NEK10: variants seen among roughly 807,000 people sequenced by gnomAD.
NEK10 encodes NIMA related kinase 10, also known as serine/threonine-protein kinase Nek10.
Under a neutral mutation model 159.8 loss-of-function variants are expected in NEK10, and 122 were observed. The observed-to-expected ratio is 0.76, with a 90% confidence interval of 0.66 to 0.89. The LOEUF is 0.89. Ranked by LOEUF, NEK10 falls within the 40% of genes least tolerant of loss-of-function variation. NEK10 has a pLI of 0.00. For synonymous variants in NEK10, 466 were observed against 457.1 expected, an observed-to-expected ratio of 1.02 and a Z score of -0.25; for missense variants, 1,342 against 1,323.1, an observed-to-expected ratio of 1.01 and a Z score of -0.22.
intron 6 of NEK10, among the ~76,000 whole-genome samples, chr3:27,316,180 A>G (rs1409053276): frequency 6.6e-6 from 1 of 152,214 alleles, no homozygotes; most frequent in African/African-American, 2.4e-5. Flanking sequence ...GGGACTGGCC[A>G]GAATTAGCTG....
rs71091129 is a variant in NEK10, at chr3:27,365,610, G to GTTTTTTTTTTTTTTTTTTTTTTTTTTTT, written c.-38+3614_-38+3615insAAAAAAAAAAAAAAAAAAAAAAAAAAAA. 3.0e-5 allele frequency among the ~76,000 whole-genome samples: 3 copies of GTTTTTTTTTTTTTTTTTTTTTTTTTTTT among 99,106 alleles called. 1 individual carries two copies. The highest frequency in any genetic ancestry group is 5.6e-5 in the Non-Finnish European group (3 of 54,010). The allele number at this position is 99,106 out of a possible 152,430, so 65.0% of individuals were successfully genotyped here. A position where few individuals can be genotyped will look rare whatever the true frequency, so the allele number is the denominator to read the frequency against. On this transcript the variant is annotated intron_variant, in intron 1 of 35. Transcript: ENST00000691995. The stretch of plus-strand genomic sequence containing the variant: ...TTGGTTTTTTGTGTTTTTTTTTTGT[G>GTTTTTTTTTTTTTTTTTTTTTTTTTTTT]TTTTTTTTTTTTTTTTTTTTGAGAT...
At chr3:27,287,664 C>T (rs752714259) in intron 20 of NEK10, 34 bp downstream of exon 20, 3 of 1,547,258 alleles carry the variant, frequency 1.9e-6, no homozygotes, top group Middle Eastern at 1.7e-4. Flanking sequence ...AAAATGTTTC[C>T]TTATTTAGAA....
At chr3:27,127,773 A>G (rs1182519993) in intron 32 of NEK10, among the ~76,000 whole-genome samples, 1 of 152,150 alleles carries the variant, frequency 6.6e-6, no homozygotes, top group Non-Finnish European at 1.5e-5. Flanking sequence ...TCTATGTTTA[A>G]GTCAGGAAGA....
chr3:27,131,898 C>T lies in NEK10; in HGVS notation c.3063G>A (p.Leu1021=), dbSNP rs1221727950. The T allele has an allele frequency of 1.8e-5, 28 of 1,585,804 alleles. No individual in the cohort carries two copies. The highest frequency in any genetic ancestry group is 2.4e-5 in the Non-Finnish European group (28 of 1,156,674). Residue 1021 remains leucine, a synonymous_variant, in exon 32 of 36, where the codon TTG becomes TTA. Coordinates refer to ENST00000691995, the MANE Select transcript of NEK10 (RefSeq NM_001394966.1). ...ACCATACCTTTTTAATTTCAGATTT[C>T]AAATTACAAGGGTTACTCTGCTGGC... is the stretch of plus-strand genomic sequence containing the variant. ...LFSQQSNPCN[L]KSEIKKLSQG...
chr3:27,173,415 T>A (rs145698442), intron 28 of NEK10, among the ~76,000 whole-genome samples: 4 of 152,212 alleles, frequency 2.6e-5, no homozygotes, highest in Non-Finnish European at 5.9e-5. Context: ...TTTATATGCA[T>A]AAATATTTTT....
In NEK10 at chr3:27,191,886, G is replaced by T. The variant is rs533196533; in HGVS notation, c.2505+143C>A. On this transcript the variant is annotated intron_variant, in intron 26 of 35. Coordinates refer to ENST00000691995, the MANE Select transcript of NEK10 (RefSeq NM_001394966.1). ...AATTTGTATATAAGATACAGAAATG[G>T]ATATAAATATGTAACTATACTACTG... 9.8e-5 allele frequency: 62 copies of T among 631,024 alleles called. No individual in the cohort carries two copies. The East Asian group carries it at 1.5e-3, about 15-fold the overall frequency. 39.1% of individuals were successfully genotyped at this position (631,024 alleles called of 1,614,324 possible). A position where few individuals can be genotyped will look rare whatever the true frequency, so the allele number is the denominator to read the frequency against.
intron 35 of NEK10, 21 bp downstream of exon 35, chr3:27,115,919 A>G (rs1940347341): frequency 6.3e-7 from 1 of 1,582,200 alleles, no homozygotes; most frequent in Admixed American, 1.7e-5. Context: ...TTCACAATTG[A>G]AGGCAAACTC....
At chr3:27,354,826 G>A (rs1462654597) in intron 1 of NEK10, among the ~76,000 whole-genome samples, 1 of 151,984 alleles carries the variant, frequency 6.6e-6, no homozygotes, top group Non-Finnish European at 1.5e-5. Context: ...AGTCCTCAGA[G>A]TTGTCTAAAC....
In NEK10 at chr3:27,348,464, T is replaced by G. The variant is rs2047726720; in HGVS notation, c.133-2248A>C. Among the ~76,000 whole-genome samples the G allele has an allele frequency of 2.0e-5, 3 of 152,184 alleles. No individual in the cohort carries two copies. In the South Asian group the frequency reaches 6.2e-4, roughly 32 times the overall value. ...ACCAGGAACCTAATAGTAGGCACCT[T>G]GAAGCAAGTAGCACTTCATATGAAA... On this transcript the variant is annotated intron_variant, in intron 3 of 35. Transcript: ENST00000691995.
intron 22 of NEK10, among the ~76,000 whole-genome samples, chr3:27,270,231 G>A (rs963278587): frequency 3.9e-5 from 6 of 152,136 alleles, no homozygotes; most frequent in Non-Finnish European, 5.9e-5. Context: ...AATAGTAAAG[G>A]TTATTCTGCT....
rs557272633 is a variant in NEK10, at chr3:27,122,974, A to C, written c.3082-3106T>G. Among the ~76,000 whole-genome samples the C allele has an allele frequency of 2.0e-5, 3 of 152,314 alleles. No homozygotes were observed. The East Asian group carries it at 5.8e-4, about 29-fold the overall frequency. On this transcript the variant is annotated intron_variant, in intron 32 of 35. Coordinates refer to ENST00000691995, the MANE Select transcript of NEK10 (RefSeq NM_001394966.1). ...AGAGATCGGCACACGGATGAAGGCA[A>C]GGACTAAAATTCATTTTTTGACGAA... is the stretch of plus-strand genomic sequence containing the variant.
chr3:27,120,412 C>T (rs757059975), intron 32 of NEK10, among the ~76,000 whole-genome samples: 35 of 151,896 alleles, frequency 2.3e-4, no homozygotes, highest in Non-Finnish European at 4.3e-4. Context: ...CAACTTCCAC[C>T]TCCATGCTCA....
chr3:27,200,820 T>C (rs1272393613), intron 25 of NEK10, among the ~76,000 whole-genome samples: 2 of 152,056 alleles, frequency 1.3e-5, no homozygotes, highest in African/African-American at 2.4e-5. Context: ...GTCACACATA[T>C]ATCTGAGGAA....
At chr3:27,132,265 T>C (rs1324646995) in intron 31 of NEK10, among the ~76,000 whole-genome samples, 1 of 152,252 alleles carries the variant, frequency 6.6e-6, no homozygotes, top group Non-Finnish European at 1.5e-5. Context: ...AAATTATTCA[T>C]TAATTGCACA....
intron 3 of NEK10, among the ~76,000 whole-genome samples, chr3:27,349,131 C>T (rs2047782835): frequency 1.3e-5 from 2 of 151,974 alleles, no homozygotes; most frequent in African/African-American, 4.8e-5. Context: ...GTCACTTCTG[C>T]TTGCAAACTT....
chr3:27,263,195 T>A lies in NEK10; in HGVS notation c.2015-6824A>T, dbSNP rs2040568455. 2.0e-5 allele frequency among the ~76,000 whole-genome samples: 3 copies of A among 152,068 alleles called. No individual in the cohort carries two copies. In the South Asian group the frequency reaches 6.2e-4, roughly 32 times the overall value. On this transcript the variant is annotated intron_variant, in intron 22 of 35. Coordinates refer to ENST00000691995, the MANE Select transcript of NEK10 (RefSeq NM_001394966.1). ...CTCTGGAAGTTTTGTCTCAGAGGAGTACACGGCCATGTGAGGTGTCAGTCT... is the reference window on the plus strand; with the variant it reads ...CTCTGGAAGTTTTGTCTCAGAGGAGAACACGGCCATGTGAGGTGTCAGTCT...
At chr3:27,170,448 C>G (rs1239532312) in intron 29 of NEK10, among the ~76,000 whole-genome samples, 1 of 152,166 alleles carries the variant, frequency 6.6e-6, no homozygotes, top group Non-Finnish European at 1.5e-5. Context: ...TACATAGAAA[C>G]TGGCTGGGCA....
In NEK10 at chr3:27,335,110, G is replaced by A. The variant is rs547395489; in HGVS notation, c.362+9162C>T. 9.4e-4 allele frequency among the ~76,000 whole-genome samples: 143 copies of A among 152,162 alleles called. 2 individuals are homozygous for A. The highest frequency in any genetic ancestry group is 3.3e-3 in the African/African-American group (138 of 41,514). ...TCCCAGCACTTTGGGAGGCGGAGGC[G>A]AGTGGATCACCTGAGGTCAGGAGTT... is the stretch of plus-strand genomic sequence containing the variant. On this transcript the variant is annotated intron_variant, in intron 5 of 35. Coordinates refer to ENST00000691995, the MANE Select transcript of NEK10 (RefSeq NM_001394966.1).
chr3:27,206,381 G>A (rs1950547030), intron 23 of NEK10, among the ~76,000 whole-genome samples: 1 of 152,248 alleles, frequency 6.6e-6, no homozygotes, highest in African/African-American at 2.4e-5. Context: ...AGTAAATGAT[G>A]TTGTATTTTA....
Sources: allele counts gnomAD v4.1 joint callset (sites outside exome capture counted in the v4.1 genomes callset), GRCh38; gene constraint gnomAD v4.1.1; transcripts MANE v1.5; gene names NCBI Gene and HGNC (gene_info 2026-07-23, HGNC 2026-07-21).